The following ENOX1 variants were observed in gnomAD, a reference collection of about 807,000 sequenced individuals.
The protein encoded by ENOX1 is ecto-NOX disulfide-thiol exchanger 1.
A neutral mutation model predicts 82.5 loss-of-function variants in ENOX1; 42 were observed. The observed-to-expected ratio is 0.51, with a 90% confidence interval of 0.40 to 0.66. The LOEUF (loss-of-function observed/expected upper bound fraction) is 0.66, where lower values mean the gene tolerates loss of function less well. ENOX1 is among the 30% of genes least tolerant of loss of function. The pLI is 0.00. For missense variants in ENOX1, 608 were observed against 811.6 expected (o/e 0.75, Z 3.05); for synonymous variants, 271 against 282.2 (o/e 0.96, Z 0.40).
At chr13:43,446,700 C>A (rs895108139) in intron 3 of ENOX1, among the ~76,000 whole-genome samples, 2 of 152,184 alleles carry the variant, frequency 1.3e-5, no homozygotes, top group Non-Finnish European at 2.9e-5. Flanking sequence ...CCTTGGCTTG[C>A]CAGTTTAATC....
chr13:43,343,010 A>G (rs1440492104), intron 9 of ENOX1, among the ~76,000 whole-genome samples: 1 of 152,200 alleles, frequency 6.6e-6, no homozygotes, highest in East Asian at 1.9e-4. Context: ...CCAAGGGTTG[A>G]GTCTTCCTTG....
At chr13:43,676,206 A>G (rs1421463297) in intron 1 of ENOX1, among the ~76,000 whole-genome samples, 1 of 152,156 alleles carries the variant, frequency 6.6e-6, no homozygotes, top group Non-Finnish European at 1.5e-5. Context: ...AAAGCACTGC[A>G]CACATTTTAG....
intron 2 of ENOX1, among the ~76,000 whole-genome samples, chr13:43,570,795 G>GTGGTGAGAAGGAATCAGCTAATGGGCT (rs1200274049): frequency 2.6e-5 from 4 of 152,146 alleles, no homozygotes; most frequent in African/African-American, 9.7e-5. Flanking sequence ...ATGGAAAGGT[G>GTGGTGAGAAGGAATCAGCTAATGGGCT]TGGTGAGAAG....
chr13:43,263,182 G>A (rs998226337), intron 14 of ENOX1, among the ~76,000 whole-genome samples: 1 of 152,204 alleles, frequency 6.6e-6, no homozygotes, highest in African/African-American at 2.4e-5. Flanking sequence ...AAGAGGGTGA[G>A]TAAGTAATCC....
chr13:43,560,851 G>T (rs1252381057), intron 2 of ENOX1, among the ~76,000 whole-genome samples: 2 of 152,128 alleles, frequency 1.3e-5, no homozygotes, highest in African/African-American at 4.8e-5. Flanking sequence ...TGAAAATCCT[G>T]CTGAGTTTCA....
chr13:43,689,492 T>A (rs1294167933), intron 1 of ENOX1, among the ~76,000 whole-genome samples: 1 of 152,222 alleles, frequency 6.6e-6, no homozygotes, highest in African/African-American at 2.4e-5. Context: ...AAGCTGACAT[T>A]ATTTGGTGCC....
chr13:43,654,016 C>A (rs1021594811), intron 2 of ENOX1, among the ~76,000 whole-genome samples: 1 of 152,144 alleles, frequency 6.6e-6, no homozygotes, highest in Non-Finnish European at 1.5e-5. Context: ...TTTGTGATGG[C>A]AAAATCATCT....
At position 43,256,035 on chromosome 13, in the gene ENOX1, A is replaced by G. The variant is rs1281569959; in HGVS notation, c.1611+9363T>C. On this transcript the variant is annotated intron_variant, in intron 14 of 16. Transcript: ENST00000690772. Reference sequence around the variant, plus strand: ...ATTTATAGCCAACTGATTTTCAACAAAGGTGTCAAAAACATAGATTGGGGA... The same window carrying G: ...ATTTATAGCCAACTGATTTTCAACAGAGGTGTCAAAAACATAGATTGGGGA... Among the ~76,000 whole-genome samples, 5 of 152,220 alleles carry G rather than the reference A, an allele frequency of 3.3e-5. No homozygotes were observed. In the East Asian group the frequency reaches 9.6e-4, roughly 29 times the overall value.
chr13:43,543,642 T>C (rs2078841119), intron 2 of ENOX1, among the ~76,000 whole-genome samples: 1 of 151,238 alleles, frequency 6.6e-6, no homozygotes, highest in Non-Finnish European at 1.5e-5. Context: ...GTTTTTTCTT[T>C]ATTTCTGTTA....
chr13:43,535,395 A>C (rs1593685687), intron 2 of ENOX1, among the ~76,000 whole-genome samples: 1 of 152,296 alleles, frequency 6.6e-6, no homozygotes, highest in East Asian at 1.9e-4. Context: ...CCATCTTTTC[A>C]TTTGCCTCTA....
At chr13:43,752,297 T>G (rs1248107536) in intron 1 of ENOX1, among the ~76,000 whole-genome samples, 1 of 152,196 alleles carries the variant, frequency 6.6e-6, no homozygotes, top group Non-Finnish European at 1.5e-5. Flanking sequence ...ATTTGTCATA[T>G]ATATTTGAAA....
At chr13:43,768,553 C>T (rs1424032309) in intron 1 of ENOX1, among the ~76,000 whole-genome samples, 2 of 152,042 alleles carry the variant, frequency 1.3e-5, no homozygotes, top group South Asian at 2.1e-4. Flanking sequence ...CCCAGGAGTT[C>T]GAGGTTACAG....
chr13:43,321,476 C>T (rs2047805435), intron 11 of ENOX1, among the ~76,000 whole-genome samples: 1 of 152,246 alleles, frequency 6.6e-6, no homozygotes, highest in Non-Finnish European at 1.5e-5. Context: ...ATCCTGACCA[C>T]TTTGCAGTCT....
At chr13:43,438,635 C>T (rs574804413) in intron 3 of ENOX1, among the ~76,000 whole-genome samples, 1 of 152,282 alleles carries the variant, frequency 6.6e-6, no homozygotes, top group African/African-American at 2.4e-5. Context: ...TATCTGTCCC[C>T]TGGATGGCTA....
chr13:43,708,116 G>A (rs2087437169), intron 1 of ENOX1, among the ~76,000 whole-genome samples: 1 of 152,164 alleles, frequency 6.6e-6, no homozygotes, highest in South Asian at 2.1e-4. Context: ...TCAGGAGTTG[G>A]GTGAGTGGGC....
chr13:43,716,481 A>G (rs2088142863), intron 1 of ENOX1, among the ~76,000 whole-genome samples: 1 of 152,176 alleles, frequency 6.6e-6, no homozygotes, highest in Non-Finnish European at 1.5e-5. Flanking sequence ...CCAAGCAGAA[A>G]TATCTTGAAA....
At chr13:43,458,494 C>T (rs1034707986) in intron 3 of ENOX1, 7 of 152,064 alleles carry the variant, frequency 4.6e-5, no homozygotes, top group African/African-American at 9.7e-5. Context: ...CTGGAAGCAA[C>T]GCATCAGTTA....
chr13:43,522,555 C>CG (rs2077816298), intron 2 of ENOX1, among the ~76,000 whole-genome samples: 1 of 152,000 alleles, frequency 6.6e-6, no homozygotes, highest in Non-Finnish European at 1.5e-5. Flanking sequence ...GGTCTCGCAA[C>CG]GCCTTGTCTG....
chr13:43,373,098 G>A (rs549680767), intron 5 of ENOX1, among the ~76,000 whole-genome samples: 4 of 152,048 alleles, frequency 2.6e-5, no homozygotes, highest in African/African-American at 9.6e-5. Flanking sequence ...TATATCATTT[G>A]TGTGTGTGAG....
Sources: allele counts gnomAD v4.1 joint callset (sites outside exome capture counted in the v4.1 genomes callset), GRCh38; gene constraint gnomAD v4.1.1; transcripts MANE v1.5; gene names NCBI Gene and HGNC (gene_info 2026-07-23, HGNC 2026-07-21).